ANKS1A: variants seen among roughly 807,000 people sequenced by gnomAD.
ANKS1A encodes ankyrin repeat and sterile alpha motif domain containing 1A.
ANKS1A carries 55 observed loss-of-function variants against 120.3 expected under a neutral mutation model. That is an observed-to-expected ratio of 0.46 (90% CI 0.37 to 0.57). The LOEUF (loss-of-function observed/expected upper bound fraction) is 0.57. Among genes scored for constraint, ANKS1A ranks in the 20% least tolerant of loss-of-function variants. ANKS1A has a pLI of 0.00. For missense variants in ANKS1A, 1,123 were observed against 1,480.3 expected (o/e 0.76, Z 3.96); for synonymous variants, 590 against 604.7 (o/e 0.98, Z 0.36).
chr6:34,983,351 A>G lies in ANKS1A; in HGVS notation c.938A>G (p.Lys313Arg). ...EDHMTGKRST[K>R]EVDKTPPPQP... ...CACATGACTGGAAAAAGAAGTACAA[A>G]AGAAGTAGATAAAACCCCCCCACCC... is the stretch of plus-strand genomic sequence containing the variant. Residue 313 changes from lysine (K) to arginine (R), a missense_variant, in exon 7 of 24, where the codon AAA (lysine) becomes AGA (arginine). Lys to Arg is a conservative substitution (Grantham distance 26). Coordinates refer to ENST00000360359, the MANE Select transcript of ANKS1A (RefSeq NM_015245.3). The G allele has an allele frequency of 6.2e-7, 1 of 1,614,060 alleles. No individual in the cohort carries two copies. Among genetic ancestry groups the G allele is most frequent in the Non-Finnish European group, 8.5e-7 (1 of 1,179,988 alleles).
In ANKS1A at chr6:35,050,317, G is replaced by A. The variant is rs141776062; in HGVS notation, c.2011-3782G>A. 2.2e-3 allele frequency among the ~76,000 whole-genome samples: 329 copies of A among 152,242 alleles called. 2 individuals carry two copies. The highest frequency in any genetic ancestry group is 0.014 in the Middle Eastern group (4 of 294). On this transcript the variant is annotated intron_variant, in intron 11 of 23. Coordinates refer to ENST00000360359, the MANE Select transcript of ANKS1A (RefSeq NM_015245.3). The surrounding 1 kb of genome is among the most constrained non-coding windows in gnomAD (Gnocchi z 4.3). ...TTCAAGTCCTTATATTAACAAACACGAGTATAAGTTTTCAGTCAGTTCACG... is the reference window on the plus strand; with the variant it reads ...TTCAAGTCCTTATATTAACAAACACAAGTATAAGTTTTCAGTCAGTTCACG...
chr6:34,940,236 C>T (rs1178613815), intron 1 of ANKS1A, among the ~76,000 whole-genome samples: 1 of 152,228 alleles, frequency 6.6e-6, no homozygotes, highest in Non-Finnish European at 1.5e-5. Context: ...ATTAATTATA[C>T]ACTCCTTATC....
At position 35,020,811 on chromosome 6, in the gene ANKS1A, G is replaced by A. The variant is rs554388358; in HGVS notation, c.2010+2752G>A. ...GCTGATATCACCTGTGCAGATAAAG[G>A]TTGCAGGTGCTTACAATGGCCCAGG... On this transcript the variant is annotated intron_variant, in intron 11 of 23. Transcript: ENST00000360359. Among the ~76,000 whole-genome samples the A allele has an allele frequency of 1.4e-3, 213 of 152,300 alleles. 1 individual carries two copies. The highest frequency in any genetic ancestry group is 5.0e-3 in the African/African-American group (207 of 41,554).
chr6:35,054,343 T>A (rs1006530341), intron 12 of ANKS1A, among the ~76,000 whole-genome samples, 178 bp downstream of exon 12: 36 of 152,210 alleles, frequency 2.4e-4, no homozygotes, highest in African/African-American at 8.4e-4. Flanking sequence ...TTGCTGTTAT[T>A]TTTAGAGCCA....
downstream of ANKS1A, among the ~76,000 whole-genome samples, chr6:35,092,784 C>A (rs562106295): frequency 3.3e-5 from 5 of 152,224 alleles, no homozygotes; most frequent in Non-Finnish European, 7.3e-5. Flanking sequence ...CCTTTCTCCC[C>A]CTTCAGGGGC....
intron 2 of ANKS1A, 115 bp from the exon 3 acceptor site, chr6:34,969,893 GAC>G: frequency 8.1e-7 from 1 of 1,234,444 alleles, no homozygotes. Context: ...CTCAGGTAGA[GAC>G]ACAGGAGCCA....
At chr6:35,091,469 G>A, downstream of ANKS1A, 1 of 970,020 alleles carries the variant, frequency 1.0e-6, no homozygotes, top group Non-Finnish European at 1.2e-6. Flanking sequence ...CAGAGGCGTG[G>A]GCACAGGCGA....
intron 13 of ANKS1A, among the ~76,000 whole-genome samples, chr6:35,072,944 C>T (rs939934393): frequency 7.2e-5 from 11 of 152,202 alleles, no homozygotes; most frequent in African/African-American, 2.4e-4. Flanking sequence ...CCGAGGAAGA[C>T]GACTGGGGTT....
chr6:34,994,398 G>GTGT lies in ANKS1A; in HGVS notation c.1402_1404dup (p.Leu468dup). The stretch of plus-strand genomic sequence containing the variant: ...GTTAACAGCAGAGACAAAGAAAGTG[G>GTGT]TGTTGGTGGATGGAAAAACAAAAGG... On this transcript the variant is annotated inframe_insertion, in exon 10 of 24. Coordinates refer to ENST00000360359, the MANE Select transcript of ANKS1A (RefSeq NM_015245.3). 2 of 1,613,056 alleles carry GTGT rather than the reference G, an allele frequency of 1.2e-6. No homozygotes were observed. Among genetic ancestry groups the GTGT allele is most frequent in the Non-Finnish European group, 1.7e-6 (2 of 1,179,234 alleles).
At chr6:35,047,232 T>C (rs1355346703) in intron 11 of ANKS1A, among the ~76,000 whole-genome samples, 1 of 152,244 alleles carries the variant, frequency 6.6e-6, no homozygotes, top group African/African-American at 2.4e-5. Flanking sequence ...AATTTGGTAC[T>C]CAGAATCCTA....
intron 3 of ANKS1A, among the ~76,000 whole-genome samples, chr6:34,975,058 A>G (rs1340728877): frequency 6.6e-6 from 1 of 152,254 alleles, no homozygotes; most frequent in African/African-American, 2.4e-5. Context: ...TTTTGCACAT[A>G]TAAAATAAAA....
At chr6:34,997,134 G>A (rs1772896911) in intron 10 of ANKS1A, among the ~76,000 whole-genome samples, 1 of 151,400 alleles carries the variant, frequency 6.6e-6, no homozygotes, top group African/African-American at 2.4e-5. Context: ...GGATTATATT[G>A]AATCTATATT....
intron 2 of ANKS1A, 150 bp downstream of exon 2, chr6:34,967,469 C>A: frequency 1.9e-6 from 1 of 539,918 alleles, no homozygotes; most frequent in Non-Finnish European, 3.1e-6. Context: ...GGGAGGATCA[C>A]ATGAAGCTGA....
In ANKS1A at chr6:35,082,813, C is replaced by G; in HGVS notation, c.2832C>G (p.Ala944=). The G allele has an allele frequency of 6.2e-7, 1 of 1,612,744 alleles. No individual in the cohort carries two copies. The highest frequency in any genetic ancestry group is 8.5e-7 in the Non-Finnish European group (1 of 1,179,310). ...KLIFESCGYE[A]NYLGSMLIKD... ...TCTTCGAGTCCTGTGGTTATGAAGC[C>G]AATGTGAGTTGCTCCCACCCTCCCA... Residue 944 remains alanine, a synonymous_variant, in exon 18 of 24, where the codon GCC becomes GCG. Transcript: ENST00000360359. This position sits in a 1 kb window ranked among gnomAD's most constrained non-coding sequence, Gnocchi z 4.1.
chr6:35,084,356 C>T lies in ANKS1A; in HGVS notation c.3132+98C>T. On this transcript the variant is annotated intron_variant, in intron 21 of 23. Coordinates refer to ENST00000360359, the MANE Select transcript of ANKS1A (RefSeq NM_015245.3). The surrounding 1 kb of genome is among the most constrained non-coding windows in gnomAD (Gnocchi z 4.8). ...CACAGATGCGGCGCTGTCCTGGCCC[C>T]TGGCCAGTGCCTGGCAAATGTTTGG... 6.8e-7 allele frequency: 1 copy of T among 1,472,450 alleles called. No homozygotes were observed. The highest frequency in any genetic ancestry group is 9.0e-7 in the Non-Finnish European group (1 of 1,105,098). 91.2% of individuals were successfully genotyped at this position (1,472,450 alleles called of 1,614,324 possible).
At chr6:35,019,235 A>C (rs1436554540) in intron 11 of ANKS1A, among the ~76,000 whole-genome samples, 1 of 152,198 alleles carries the variant, frequency 6.6e-6, no homozygotes, top group African/African-American at 2.4e-5. Flanking sequence ...GCTGCCTTTG[A>C]AGTGGACTGG....
At chr6:35,080,925 C>A in intron 16 of ANKS1A, 69 bp from the exon 17 acceptor site, 1 of 1,557,568 alleles carries the variant, frequency 6.4e-7, no homozygotes, top group Non-Finnish European at 8.7e-7. Context: ...ACCAGTGGGG[C>A]TGGCTGATAC....
intron 1 of ANKS1A, among the ~76,000 whole-genome samples, chr6:34,912,308 T>C (rs1408832007): frequency 1.3e-5 from 2 of 152,252 alleles, no homozygotes; most frequent in African/African-American, 2.4e-5. Flanking sequence ...GCATTTTTCA[T>C]TGATACCTGT....
rs112528729 is a variant in ANKS1A, at chr6:35,055,415, C to T, written c.2077+1250C>T. Among the ~76,000 whole-genome samples the T allele has an allele frequency of 1.0e-3, 157 of 152,098 alleles. 1 individual carries two copies. The highest frequency in any genetic ancestry group is 3.5e-3 in the African/African-American group (145 of 41,480). On this transcript the variant is annotated intron_variant, in intron 12 of 23. Coordinates refer to ENST00000360359, the MANE Select transcript of ANKS1A (RefSeq NM_015245.3). ...CGTAATCTTGGCTCATTGTAACCTC[C>T]GCCTCCTGGGTTCAAGCGTTTCTCC...
Sources: gnomAD v4.1 joint callset for allele counts (sites outside exome capture counted in the v4.1 genomes callset) on GRCh38, gnomAD v4.1.1 for gene constraint, Gnocchi (gnomAD v3.1) non-coding constraint, MANE v1.5 for transcripts, NCBI Gene and HGNC (gene_info 2026-07-23, HGNC 2026-07-21) for gene names.